Variants in FGF13 observed in about 807,000 individuals in gnomAD.
FGF13 encodes the protein fibroblast growth factor 13.
Under a neutral mutation model 19.5 loss-of-function variants are expected in FGF13, and 2 were observed. That is an observed-to-expected ratio of 0.10 (90% CI 0.04 to 0.32). The LOEUF is 0.32. Among genes scored for constraint, FGF13 ranks in the 10% least tolerant of loss-of-function variants. The pLI, the probability that FGF13 is intolerant of heterozygous loss-of-function variation, is 1.00. For missense variants in FGF13, 113 were observed against 192.7 expected (o/e 0.59, Z 2.45); for synonymous variants, 72 against 76.9 (o/e 0.94, Z 0.33).
In FGF13 at chrX:138,929,651, C is replaced by A. The variant is rs766720463; in HGVS notation, c.-112-65001G>T. On this transcript the variant is annotated intron_variant, in intron 1 of 2. Transcript: ENST00000421460. The stretch of plus-strand genomic sequence containing the variant: ...AGGCCCTCAACAACTATTTGCCTCA[C>A]TTTGACAGCATCCTGAATCCCTGTC... Among the ~76,000 whole-genome samples the A allele has an allele frequency of 1.8e-4, 20 of 111,525 alleles. No homozygotes were observed. The South Asian group carries it at 1.9e-3, about 11-fold the overall frequency.
At chrX:138,641,323 C>T (rs1182380115) in intron 3 of FGF13, among the ~76,000 whole-genome samples, 3 of 111,557 alleles carry the variant, frequency 2.7e-5, no homozygotes, top group East Asian at 5.6e-4. Context: ...ATATTCCCAC[C>T]TCTCTCTTCT....
At position 139,013,507 on chromosome X, in the gene FGF13, ATATATATATATATATATATATAT is replaced by A. The variant is rs2092139841; in HGVS notation, c.-112-148880_-112-148858del. On this transcript the variant is annotated intron_variant, in intron 1 of 2. Transcript: ENST00000421460. ...TATATATATATATATATATATATAT[ATATATATATATATATATATATAT>A]AAAATGAAATACTATTCAGCCATAA... 1.5e-4 allele frequency among the ~76,000 whole-genome samples: 13 copies of A among 87,010 alleles called. No homozygotes were observed. In the East Asian group the frequency reaches 3.3e-3, roughly 22 times the overall value. 75.6% of individuals were successfully genotyped at this position (87,010 alleles called of 115,157 possible). A position where few individuals can be genotyped will look rare whatever the true frequency, so the allele number is the denominator to read the frequency against.
chrX:138,836,360 T>C (rs1330901947), intron 3 of FGF13, among the ~76,000 whole-genome samples: 2 of 112,112 alleles, frequency 1.8e-5, no homozygotes, highest in African/African-American at 6.5e-5. Flanking sequence ...TAATCCCATA[T>C]TTCTCAAAGG....
intron 3 of FGF13, among the ~76,000 whole-genome samples, chrX:138,815,986 C>G (rs1356015411): frequency 1.8e-5 from 2 of 110,032 alleles, no homozygotes; most frequent in Non-Finnish European, 1.9e-5. Context: ...AACCAAAAAC[C>G]TAATGCATGC....
At chrX:138,963,482 T>G (rs144010001) in intron 1 of FGF13, among the ~76,000 whole-genome samples, 2,792 of 112,505 alleles carry the variant, frequency 0.025, 93 homozygotes, top group African/African-American at 0.085. Context: ...CAGCAACACA[T>G]GCCCCACATA....
At chrX:138,902,601 T>C (rs1406196082) in intron 1 of FGF13, among the ~76,000 whole-genome samples, 1 of 111,755 alleles carries the variant, frequency 8.9e-6, no homozygotes, top group Non-Finnish European at 1.9e-5. Flanking sequence ...TCATTTTTTT[T>C]CTATCACTGT....
chrX:138,968,902 A>AT (rs1420633197), intron 1 of FGF13, among the ~76,000 whole-genome samples: 1 of 112,474 alleles, frequency 8.9e-6, no homozygotes, highest in Non-Finnish European at 1.9e-5. Flanking sequence ...GTCTATGAAG[A>AT]AAGGGCCTTT....
intron 1 of FGF13, among the ~76,000 whole-genome samples, chrX:139,066,342 T>C (rs1464845056): frequency 6.3e-5 from 7 of 110,889 alleles, no homozygotes; most frequent in Non-Finnish European, 9.5e-5. Context: ...CTGAAGGCGA[T>C]AGAGACACAA....
At chrX:138,646,998 G>A (rs1342056836) in intron 3 of FGF13, among the ~76,000 whole-genome samples, 2 of 110,817 alleles carry the variant, frequency 1.8e-5, no homozygotes, top group Non-Finnish European at 3.8e-5. Flanking sequence ...AATGTTTAAC[G>A]GGGAAGGCTG....
chrX:138,724,408 T>C (rs2124278179), intron 1 of FGF13, among the ~76,000 whole-genome samples: 1 of 111,187 alleles, frequency 9.0e-6, no homozygotes, highest in East Asian at 2.9e-4. Flanking sequence ...ACACAAAGAC[T>C]ACCAGAGAAA....
At chrX:138,643,103 A>G (rs990486845) in intron 3 of FGF13, among the ~76,000 whole-genome samples, 2 of 112,187 alleles carry the variant, frequency 1.8e-5, no homozygotes, top group African/African-American at 6.5e-5. Flanking sequence ...ACAAACAAAA[A>G]TAAGAAAACT....
intron 1 of FGF13, among the ~76,000 whole-genome samples, chrX:138,973,513 T>G (rs887395241): frequency 8.9e-6 from 1 of 112,310 alleles, no homozygotes; most frequent in East Asian, 2.8e-4. Context: ...TAGGTCCATT[T>G]AATCTGGAAT....
chrX:138,984,503 GAA>G (rs1491464350), intron 1 of FGF13, among the ~76,000 whole-genome samples: 6 of 75,014 alleles, frequency 8.0e-5, no homozygotes, highest in South Asian at 1.6e-3. Context: ...AGGAGAAGGA[GAA>G]GAAGAGGAAG....
chrX:139,064,241 T>C (rs370792703), intron 1 of FGF13, among the ~76,000 whole-genome samples: 59 of 106,655 alleles, frequency 5.5e-4, no homozygotes, highest in African/African-American at 1.9e-3. Flanking sequence ...GTTTTAGTAA[T>C]GTCCAGTTTA....
intron 1 of FGF13, among the ~76,000 whole-genome samples, chrX:139,100,041 A>AACACAAACACAC (rs2083498201): frequency 1.3e-5 from 1 of 76,425 alleles, no homozygotes; most frequent in African/African-American, 5.1e-5. Flanking sequence ...GGGGAAAGCA[A>AACACAAACACAC]ACACACACAC....
At position 138,620,416 on chromosome X, in the gene FGF13, G is replaced by A. The variant is rs745752855; in HGVS notation, c.*12434C>T. The A allele has an allele frequency of 1.1e-3, 116 of 110,437 alleles. 1 individual carries two copies. Among genetic ancestry groups the A allele is most frequent in the African/African-American group, 3.8e-3 (115 of 30,308 alleles). 9.1% of individuals were successfully genotyped at this position (110,437 alleles called of 1,213,427 possible). A position where few individuals can be genotyped will look rare whatever the true frequency, so the allele number is the denominator to read the frequency against. ...GTTGAAGGTGCAGCAAACCACCATG[G>A]CACATGTTTACCTATGTAACAAACC... On this transcript the variant is annotated 3_prime_UTR_variant, in exon 5 of 5. Coordinates refer to ENST00000315930, the MANE Select transcript of FGF13 (RefSeq NM_004114.5).
chrX:138,873,306 G>A (rs1299963304), intron 1 of FGF13, among the ~76,000 whole-genome samples: 3 of 111,277 alleles, frequency 2.7e-5, no homozygotes, highest in South Asian at 3.8e-4. Context: ...GTGCCGGTTT[G>A]GTCCTTCACA....
chrX:138,770,588 G>A (rs954404600), intron 3 of FGF13, among the ~76,000 whole-genome samples: 5 of 111,238 alleles, frequency 4.5e-5, no homozygotes, highest in Admixed American at 9.6e-5. Context: ...CGTGTCCTAT[G>A]CACACCTACT....
chrX:138,716,502 G>A (rs762034009), upstream of FGF13: 1 of 111,649 alleles, frequency 9.0e-6, no homozygotes, highest in South Asian at 3.8e-4. Flanking sequence ...GATCCCTTGA[G>A]CCCAGGAGTT....
Sources: gnomAD v4.1 joint callset for allele counts (sites outside exome capture counted in the v4.1 genomes callset) on GRCh38, gnomAD v4.1.1 for gene constraint, MANE v1.5 for transcripts, NCBI Gene and HGNC (gene_info 2026-07-23, HGNC 2026-07-21) for gene names.